Variants in RBFOX3 observed in about 807,000 individuals in gnomAD.
The protein encoded by RBFOX3 is RNA binding protein fox-1 homolog 3.
Under a neutral mutation model 48.7 loss-of-function variants are expected in RBFOX3, and 17 were observed. That is an observed-to-expected ratio of 0.35 (90% CI 0.24 to 0.52). The LOEUF (loss-of-function observed/expected upper bound fraction) is 0.52, where lower values mean the gene tolerates loss of function less well. RBFOX3 is among the 20% of genes least tolerant of loss of function. The pLI, the probability that RBFOX3 is intolerant of heterozygous loss-of-function variation, is 0.94. For missense variants in RBFOX3, 382 were observed against 497.5 expected (o/e 0.77, Z 2.21); for synonymous variants, 212 against 209.5 (o/e 1.01, Z -0.10).
intron 1 of RBFOX3, among the ~76,000 whole-genome samples, chr17:79,569,939 TA>T (rs2092605439): frequency 6.6e-6 from 1 of 150,852 alleles, no homozygotes; most frequent in Non-Finnish European, 1.5e-5. Flanking sequence ...GACAGATGGA[TA>T]ATAGATGGAT....
At chr17:79,272,199 G>A (rs987605299) in intron 3 of RBFOX3, among the ~76,000 whole-genome samples, 1 of 152,168 alleles carries the variant, frequency 6.6e-6, no homozygotes, top group Non-Finnish European at 1.5e-5. Flanking sequence ...GGCAGCAGCC[G>A]CCGTTGCTAT....
chr17:79,591,679 A>C (rs2093419961), intron 1 of RBFOX3, among the ~76,000 whole-genome samples: 1 of 152,132 alleles, frequency 6.6e-6, no homozygotes, highest in Non-Finnish European at 1.5e-5. Context: ...GAGCCCCTGA[A>C]AACAGAGCCT....
intron 3 of RBFOX3, among the ~76,000 whole-genome samples, chr17:79,275,530 G>A (rs554845729): frequency 1.3e-5 from 2 of 152,258 alleles, no homozygotes; most frequent in African/African-American, 4.8e-5. Context: ...GGTGCAGACC[G>A]CACGCTCACT....
chr17:79,540,571 G>A (rs537032091), intron 1 of RBFOX3, among the ~76,000 whole-genome samples: 6 of 152,160 alleles, frequency 3.9e-5, no homozygotes, highest in African/African-American at 1.4e-4. Flanking sequence ...CTCCTCCCAC[G>A]CAATGCACAC....
intron 4 of RBFOX3, among the ~76,000 whole-genome samples, chr17:79,124,324 G>C (rs527798835): frequency 1.5e-4 from 23 of 152,362 alleles, no homozygotes; most frequent in African/African-American, 5.3e-4. Context: ...CACCATGGCT[G>C]CCCCGGAGGC....
chr17:79,269,499 A>T (rs1222240733), intron 3 of RBFOX3, among the ~76,000 whole-genome samples: 1 of 152,020 alleles, frequency 6.6e-6, no homozygotes, highest in African/African-American at 2.4e-5. Flanking sequence ...CTGTGGGAAA[A>T]AATTCCCCCC....
chr17:79,398,899 T>C (rs11077436), intron 2 of RBFOX3, among the ~76,000 whole-genome samples: 148,232 of 152,266 alleles, frequency 0.97, 72,258 homozygotes, highest in East Asian at 1. Context: ...GTGAACGAGA[T>C]CTTCTTTGGA....
chr17:79,102,279 G>A (rs889157942), intron 8 of RBFOX3, among the ~76,000 whole-genome samples: 3 of 152,204 alleles, frequency 2.0e-5, no homozygotes, highest in East Asian at 1.9e-4. Context: ...GGAGGGAGTC[G>A]AGAATAGCAG....
chr17:79,157,402 G>C lies in RBFOX3; in HGVS notation c.-33-41654C>G, dbSNP rs370658137. Among the ~76,000 whole-genome samples, 18 of 152,256 alleles carry C rather than the reference G, an allele frequency of 1.2e-4. 1 individual carries two copies. Among genetic ancestry groups the C allele is most frequent in the African/African-American group, 4.3e-4 (18 of 41,542 alleles). ...GACACTGACCACAAAGCTTCTCCCC[G>C]TAAGGCCCCGGAATCTGATCAGGAC... On this transcript the variant is annotated intron_variant, in intron 4 of 14. Coordinates refer to ENST00000693108, the MANE Select transcript of RBFOX3 (RefSeq NM_001350451.2).
At chr17:79,325,405 T>C (rs914192269) in intron 2 of RBFOX3, among the ~76,000 whole-genome samples, 5 of 152,120 alleles carry the variant, frequency 3.3e-5, no homozygotes, top group African/African-American at 1.2e-4. Flanking sequence ...GGGACTAATT[T>C]GAGGAGCCCG....
chr17:79,110,659 G>A (rs542001901), intron 5 of RBFOX3, among the ~76,000 whole-genome samples: 3 of 152,362 alleles, frequency 2.0e-5, no homozygotes, highest in East Asian at 1.9e-4. Context: ...GGTTCTCTGC[G>A]TGTGGTCTCA....
intron 2 of RBFOX3, among the ~76,000 whole-genome samples, chr17:79,369,992 G>A (rs747958652): frequency 2.0e-5 from 3 of 152,168 alleles, no homozygotes; most frequent in East Asian, 1.9e-4. Flanking sequence ...GACGCCCTTC[G>A]TTAGATGGAG....
intron 3 of RBFOX3, among the ~76,000 whole-genome samples, chr17:79,251,760 A>T (rs556745022): frequency 6.6e-6 from 1 of 152,308 alleles, no homozygotes; most frequent in Admixed American, 6.5e-5. Context: ...AGCTGCCCAC[A>T]GGCTCAGGGA....
chr17:79,489,242 A>C (rs1003726513), intron 1 of RBFOX3, among the ~76,000 whole-genome samples: 60 of 7,860 alleles, frequency 7.6e-3, no homozygotes, highest in African/African-American at 0.011. Flanking sequence ...CAGAAAGTTA[A>C]AAAAAAAAAA....
At chr17:79,648,196 A>T in the RBFOX3 span, among the ~76,000 whole-genome samples, 1 of 152,154 alleles carries the variant, frequency 6.6e-6, no homozygotes, top group African/African-American at 2.4e-5. Context: ...GGATGGGCCT[A>T]TGAATGTGGT....
intron 1 of RBFOX3, among the ~76,000 whole-genome samples, chr17:79,493,543 G>A (rs958584311): frequency 6.6e-6 from 1 of 152,104 alleles, no homozygotes; most frequent in Non-Finnish European, 1.5e-5. Flanking sequence ...CAGGGTCTTC[G>A]GTCTTCAATG....
At chr17:79,340,525 C>T (rs2081922897) in intron 2 of RBFOX3, among the ~76,000 whole-genome samples, 1 of 152,148 alleles carries the variant, frequency 6.6e-6, no homozygotes, top group Admixed American at 6.5e-5. Context: ...ACCTCCCCAG[C>T]TGCATGGGGC....
chr17:79,633,736 G>A, the RBFOX3 span, among the ~76,000 whole-genome samples: 176 of 152,260 alleles, frequency 1.2e-3, no homozygotes, highest in African/African-American at 3.5e-3. Flanking sequence ...GTGAGGCATC[G>A]GAGGCTGCTC....
chr17:79,370,588 C>T (rs950399834), intron 2 of RBFOX3, among the ~76,000 whole-genome samples: 9 of 151,750 alleles, frequency 5.9e-5, no homozygotes, highest in Non-Finnish European at 1.0e-4. Flanking sequence ...GGCACACACA[C>T]GTACACGTCT....
Sources: gnomAD v4.1 joint callset for allele counts (sites outside exome capture counted in the v4.1 genomes callset) on GRCh38, gnomAD v4.1.1 for gene constraint, MANE v1.5 for transcripts, NCBI Gene and HGNC (gene_info 2026-07-23, HGNC 2026-07-21) for gene names.